DNASE2B: variants seen among roughly 807,000 people sequenced by gnomAD.
DNASE2B encodes deoxyribonuclease 2 beta, also known as deoxyribonuclease-2-beta.
Under a neutral mutation model 46.0 loss-of-function variants are expected in DNASE2B, and 43 were observed. The observed-to-expected ratio is 0.94, with a 90% CI of 0.73 to 1.21. The LOEUF (loss-of-function observed/expected upper bound fraction) is 1.21. Ranked by LOEUF, DNASE2B falls within the 50% of genes most tolerant of loss-of-function variation. The probability of loss-of-function intolerance (pLI) is 0.00; values close to 1 mark genes in which losing one functional copy is unlikely to be tolerated. For synonymous variants in DNASE2B, 156 were observed against 152.5 expected (o/e 1.02, Z -0.17); for missense variants, 395 against 414.4 (o/e 0.95, Z 0.41).
intron 1 of DNASE2B, among the ~76,000 whole-genome samples, chr1:84,400,478 G>A (rs563393328): frequency 6.6e-6 from 1 of 152,294 alleles, no homozygotes; most frequent in African/African-American, 2.4e-5. Flanking sequence ...GAGCAGATTT[G>A]GAGCAAAATA....
chr1:84,414,865 G>A lies in DNASE2B; in HGVS notation c.1083G>A (p.Lys361=). ...TAGTATTATACTATGAAAGCTGTAAGTAAACTTGGTGAAAGGACACAGGTA... is the reference window on the plus strand; with the variant it reads ...TAGTATTATACTATGAAAGCTGTAAATAAACTTGGTGAAAGGACACAGGTA... The part of the protein sequence containing the change: ...QGLVLYYESC[K] The change falls in exon 6 of 6, where the codon AAG becomes AAA. Residue 361 remains lysine (K), a synonymous_variant. Transcript: ENST00000370665. 2 of 1,605,880 alleles carry A rather than the reference G, an allele frequency of 1.2e-6. No homozygotes were observed. Among genetic ancestry groups the A allele is most frequent in the Non-Finnish European group, 1.7e-6 (2 of 1,174,164 alleles).
At chr1:84,413,978 T>C (rs1680646607) in intron 5 of DNASE2B, among the ~76,000 whole-genome samples, 2 of 152,242 alleles carry the variant, frequency 1.3e-5, no homozygotes, top group Non-Finnish European at 1.5e-5. Flanking sequence ...GCCACTGCCA[T>C]GGGTCACACC....
At chr1:84,412,568 C>A (rs756637804) in intron 5 of DNASE2B, 22 bp downstream of exon 5, 12 of 1,581,748 alleles carry the variant, frequency 7.6e-6, no homozygotes, top group Non-Finnish European at 1.0e-5. Context: ...CATCATCAAA[C>A]AACATGCTGT....
chr1:84,413,351 G>C (rs1001833909), intron 5 of DNASE2B, among the ~76,000 whole-genome samples: 3 of 152,052 alleles, frequency 2.0e-5, no homozygotes, highest in East Asian at 1.9e-4. Flanking sequence ...TGTCTTCCTT[G>C]CTTATTTGCT....
intron 2 of DNASE2B, 42 bp downstream of exon 2, chr1:84,402,120 G>A: frequency 6.5e-7 from 1 of 1,536,390 alleles, no homozygotes; most frequent in Non-Finnish European, 8.7e-7. Context: ...AATATAAAAT[G>A]CATAAAACTG....
intron 2 of DNASE2B, among the ~76,000 whole-genome samples, chr1:84,403,705 G>A (rs1020127649): frequency 6.6e-6 from 1 of 152,018 alleles, no homozygotes; most frequent in African/African-American, 2.4e-5. Flanking sequence ...CTATACAGTA[G>A]TAATCATTTT....
chr1:84,410,817 T>C (rs1680574250), intron 3 of DNASE2B, 21 bp from the exon 4 acceptor site: 4 of 1,600,238 alleles, frequency 2.5e-6, no homozygotes, highest in Non-Finnish European at 2.6e-6. Flanking sequence ...GATTTATCTT[T>C]GTTAAATGTG....
chr1:84,408,604 A>G lies in DNASE2B; in HGVS notation c.385+86A>G, dbSNP rs1241788088. ...CATCTTGAGTATCCTTATATTCCAT[A>G]CTAAATAGATAGCCTTTCTTCTTAA... is the stretch of plus-strand genomic sequence containing the variant. On this transcript the variant is annotated intron_variant, in intron 3 of 5. Coordinates refer to ENST00000370665, the MANE Select transcript of DNASE2B (RefSeq NM_021233.3). The G allele has an allele frequency of 1.7e-5, 19 of 1,124,668 alleles. No individual in the cohort carries two copies. In the Admixed American group the frequency reaches 5.3e-4, roughly 32 times the overall value. The allele number at this position is 1,124,668 out of a possible 1,614,324, so 69.7% of individuals were successfully genotyped here.
At position 84,414,554 on chromosome 1, in the gene DNASE2B, C is replaced by T. The variant is rs376877314; in HGVS notation, c.772C>T (p.Arg258Trp). Residue 258 changes from arginine to tryptophan, a missense_variant, in exon 6 of 6, where the codon CGG (arginine) becomes TGG (tryptophan). Physicochemically the swap from Arg to Trp is moderately radical, Grantham distance 101. Transcript: ENST00000370665. Reference protein sequence around the residue: ...DDIFAAWMAQRLKTHLLTETW... With the variant: ...DDIFAAWMAQWLKTHLLTETW... ...CATCTTTGCAGCCTGGATGGCTCAA[C>T]GGCTGAAGACACACTTGTTAACAGA... 1.2e-5 allele frequency: 19 copies of T among 1,612,122 alleles called. 2 individuals carry two copies. Among genetic ancestry groups the T allele is most frequent in the African/African-American group, 9.3e-5 (7 of 74,928 alleles).
intron 5 of DNASE2B, among the ~76,000 whole-genome samples, 162 bp from the exon 6 acceptor site, chr1:84,414,366 A>G (rs1321061650): frequency 6.6e-6 from 1 of 152,222 alleles, no homozygotes; most frequent in African/African-American, 2.4e-5. Context: ...TTTAGCATTT[A>G]CAAAATGTTT....
intron 3 of DNASE2B, among the ~76,000 whole-genome samples, chr1:84,410,397 A>C (rs1680567762): frequency 6.6e-6 from 1 of 152,162 alleles, no homozygotes. Flanking sequence ...TTGTGAGTAC[A>C]TTTCTTCATT....
intron 4 of DNASE2B, 106 bp from the exon 5 acceptor site, chr1:84,412,243 T>C (rs1341493349): frequency 1.9e-6 from 2 of 1,070,266 alleles, no homozygotes; most frequent in South Asian, 2.6e-5. Flanking sequence ...AATGCCTTTG[T>C]TTTTGTGTTG....
At position 84,411,477 on chromosome 1, in the gene DNASE2B, T is replaced by A. The variant is rs1273137809; in HGVS notation, c.547+478T>A. Among the ~76,000 whole-genome samples the A allele has an allele frequency of 1.2e-3, 66 of 54,816 alleles. 1 individual carries two copies. Among genetic ancestry groups the A allele is most frequent in the African/African-American group, 3.9e-3 (56 of 14,446 alleles). 36.0% of individuals were successfully genotyped at this position (54,816 alleles called of 152,430 possible). A position where few individuals can be genotyped will look rare whatever the true frequency, so the allele number is the denominator to read the frequency against. On this transcript the variant is annotated intron_variant, in intron 4 of 5. Transcript: ENST00000370665. ...GTGTGTGTGTGTGTGTGTGTGTGTG[T>A]GTGTGTCAGAGAGAGAGAGAGAGAG... is the stretch of plus-strand genomic sequence containing the variant.
At position 84,411,029 on chromosome 1, in the gene DNASE2B, G is replaced by A. The variant is rs756187232; in HGVS notation, c.547+30G>A. ...AACTAAAGTATGTGAGAAAAAAAAC[G>A]ATAACTATGTTGAAGAAATGATTTG... On this transcript the variant is annotated intron_variant, in intron 4 of 5. Transcript: ENST00000370665. The A allele has an allele frequency of 5.5e-6, 8 of 1,450,658 alleles. No individual in the cohort carries two copies. In the East Asian group the frequency reaches 1.5e-4, roughly 28 times the overall value. 89.9% of individuals were successfully genotyped at this position (1,450,658 alleles called of 1,614,324 possible).
chr1:84,399,150 A>C (rs1250612026), intron 1 of DNASE2B, among the ~76,000 whole-genome samples: 2 of 152,368 alleles, frequency 1.3e-5, no homozygotes, highest in East Asian at 3.9e-4. Flanking sequence ...CTGTTTGCCT[A>C]ACATCGGTTT....
At chr1:84,411,842 C>G (rs148833261) in intron 4 of DNASE2B, among the ~76,000 whole-genome samples, 3 of 152,122 alleles carry the variant, frequency 2.0e-5, no homozygotes, top group African/African-American at 4.8e-5. Context: ...GTAATGATGC[C>G]GAATATCACA....
intron 5 of DNASE2B, among the ~76,000 whole-genome samples, chr1:84,412,921 T>C (rs960154077): frequency 3.0e-4 from 45 of 151,842 alleles, no homozygotes; most frequent in Admixed American, 1.1e-3. Flanking sequence ...AATAGAACAA[T>C]GTTCACTAGG....
chr1:84,413,128 C>T (rs1680632240), intron 5 of DNASE2B, among the ~76,000 whole-genome samples: 1 of 152,054 alleles, frequency 6.6e-6, no homozygotes, highest in Admixed American at 6.6e-5. Context: ...TCCCACTCCC[C>T]AGGCTACTTT....
At chr1:84,414,378 C>G (rs1334631427) in intron 5 of DNASE2B, 150 bp from the exon 6 acceptor site, 2 of 643,436 alleles carry the variant, frequency 3.1e-6, no homozygotes, top group Non-Finnish European at 5.2e-6. Flanking sequence ...AAAATGTTTT[C>G]TCATCCACTA....
Sources: allele counts gnomAD v4.1 joint callset (sites outside exome capture counted in the v4.1 genomes callset), GRCh38; gene constraint gnomAD v4.1.1; transcripts MANE v1.5; gene names NCBI Gene and HGNC (gene_info 2026-07-23, HGNC 2026-07-21).